Variants in GON4L observed in about 807,000 individuals in gnomAD.
The protein encoded by GON4L is GON-4-like protein.
In GON4L, 87 loss-of-function variants were observed where a neutral mutation model predicts 211.8. The observed-to-expected ratio is 0.41, with a 90% CI of 0.35 to 0.49. GON4L has a LOEUF of 0.49. GON4L is among the 20% of genes least tolerant of loss of function. The pLI, the probability that GON4L is intolerant of heterozygous loss-of-function variation, is 0.15. For synonymous variants in GON4L, 875 were observed against 962.6 expected (o/e 0.91, Z 1.68); for missense variants, 2,155 against 2,659.5 (o/e 0.81, Z 4.17).
intron 6 of GON4L, among the ~76,000 whole-genome samples, chr1:155,816,773 T>TA (rs34370558): frequency 0.03 from 2,376 of 78,112 alleles, 111 homozygotes; most frequent in African/African-American, 0.095. Flanking sequence ...TTTTTTTTCT[T>TA]AAAAAAAAAA....
downstream of GON4L, chr1:155,748,042 C>A (rs572393570): frequency 1.7e-5 from 28 of 1,607,508 alleles, no homozygotes; most frequent in Non-Finnish European, 2.0e-5. Flanking sequence ...TGACTGCTCA[C>A]AGCTCTCGTC....
intron 2 of GON4L, among the ~76,000 whole-genome samples, chr1:155,828,587 A>G (rs1669439907): frequency 3.3e-5 from 5 of 151,758 alleles, no homozygotes; most frequent in African/African-American, 1.2e-4. Flanking sequence ...TGGGTGGATC[A>G]CTTGAGGTCA....
rs751771916 is a variant in GON4L at position 155,766,592 on chromosome 1, A to G, written c.2881T>C (p.Leu961=). 2.5e-6 allele frequency: 4 copies of G among 1,613,988 alleles called. No homozygotes were observed. Among genetic ancestry groups the G allele is most frequent in the Non-Finnish European group, 3.4e-6 (4 of 1,180,014 alleles). The change falls in exon 21 of 32, where the codon TTG becomes CTG. Residue 961 remains leucine, a synonymous_variant. Coordinates refer to ENST00000368331, the MANE Select transcript of GON4L (RefSeq NM_001282860.2). The part of the protein sequence containing the change: ...NSDRSLEKDN[L]ELGSESRYPL... ...TACCGAGATTCACTCCCCAACTCCA[A>G]ATTGTCTTTTTCTAGGCTTCGATCT...
At chr1:155,801,131 A>C (rs1295310508) in intron 11 of GON4L, among the ~76,000 whole-genome samples, 1 of 151,562 alleles carries the variant, frequency 6.6e-6, no homozygotes, top group Admixed American at 6.6e-5. Context: ...AAAAAAAAAA[A>C]AAAAGAACTC....
chr1:155,828,082 C>T (rs751920016), intron 2 of GON4L, among the ~76,000 whole-genome samples: 91 of 152,000 alleles, frequency 6.0e-4, no homozygotes, highest in Non-Finnish European at 1.1e-3. Flanking sequence ...CACTTGGACC[C>T]TGGAGTTCAA....
chr1:155,844,474 T>A (rs902207686), intron 2 of GON4L, among the ~76,000 whole-genome samples: 3 of 152,120 alleles, frequency 2.0e-5, no homozygotes, highest in Admixed American at 6.5e-5. Context: ...AACACCCTCC[T>A]GGCCAGGCAG....
At chr1:155,797,114 T>C (rs2102006925) in intron 11 of GON4L, among the ~76,000 whole-genome samples, 1 of 152,222 alleles carries the variant, frequency 6.6e-6, no homozygotes, top group South Asian at 2.1e-4. Flanking sequence ...CACAATATTT[T>C]TTTTTTCTTT....
In GON4L at chr1:155,853,805, T is replaced by C. The variant is rs760953017; in HGVS notation, c.-25A>G. Reference sequence around the variant, plus strand: ...TTTTAAAAGTCCCACTTTTGTTCCATTCTGAAAGAATAAAAAGTTCTTACT... The same window carrying C: ...TTTTAAAAGTCCCACTTTTGTTCCACTCTGAAAGAATAAAAAGTTCTTACT... On this transcript the variant is annotated splice_region_variant and 5_prime_UTR_variant, in exon 2 of 32. The change abolishes an upstream ATG in the 5' untranslated region. Transcript: ENST00000368331. The C allele has an allele frequency of 1.0e-5, 16 of 1,603,612 alleles. No individual in the cohort carries two copies. Among genetic ancestry groups the C allele is most frequent in the Admixed American group, 5.0e-5 (3 of 59,870 alleles).
chr1:155,773,417 T>G lies in GON4L; in HGVS notation c.2351-207A>C, dbSNP rs547564307. On this transcript the variant is annotated intron_variant, in intron 17 of 31. Coordinates refer to ENST00000368331, the MANE Select transcript of GON4L (RefSeq NM_001282860.2). ...GAGTCCCATTCAATGGCAATAAAAGTTGACTCATTCTTTCTTATGTGGAAC... is the reference window on the plus strand; with the variant it reads ...GAGTCCCATTCAATGGCAATAAAAGGTGACTCATTCTTTCTTATGTGGAAC... 683 of 590,420 alleles carry G rather than the reference T, an allele frequency of 1.2e-3. 2 individuals carry two copies. In the African/African-American group the frequency reaches 0.012, roughly 10 times the overall value. 36.6% of individuals were successfully genotyped at this position (590,420 alleles called of 1,614,324 possible). A position where few individuals can be genotyped will look rare whatever the true frequency, so the allele number is the denominator to read the frequency against.
chr1:155,848,799 T>C (rs1374403526), intron 2 of GON4L, among the ~76,000 whole-genome samples: 1 of 152,158 alleles, frequency 6.6e-6, no homozygotes, highest in Non-Finnish European at 1.5e-5. Context: ...ATCTGAGAGA[T>C]AAAAGTTAAA....
intron 11 of GON4L, among the ~76,000 whole-genome samples, chr1:155,797,551 A>G (rs1045347501): frequency 2.0e-5 from 3 of 151,350 alleles, no homozygotes; most frequent in Non-Finnish European, 4.4e-5. Context: ...AAACAGACAT[A>G]TACAGCCTGG....
intron 23 of GON4L, among the ~76,000 whole-genome samples, chr1:155,761,424 T>C (rs367962259): frequency 6.6e-6 from 1 of 151,566 alleles, no homozygotes; most frequent in East Asian, 1.9e-4. Context: ...ACTCCTGGAC[T>C]CAAGGATCCT....
At chr1:155,835,012 A>G (rs898230174) in intron 2 of GON4L, among the ~76,000 whole-genome samples, 2 of 152,110 alleles carry the variant, frequency 1.3e-5, no homozygotes, top group Admixed American at 1.3e-4. Flanking sequence ...CCATGATGAC[A>G]ATGGCGGTTT....
rs1235371792 is a variant in GON4L at position 155,853,800 on chromosome 1, T to C, written c.-20A>G. 1 of 1,607,132 alleles carries C rather than the reference T, an allele frequency of 6.2e-7. No individual in the cohort carries two copies. The highest frequency in any genetic ancestry group is 8.5e-7 in the Non-Finnish European group (1 of 1,174,070). On this transcript the variant is annotated 5_prime_UTR_variant, in exon 2 of 32. Coordinates refer to ENST00000368331, the MANE Select transcript of GON4L (RefSeq NM_001282860.2). ...CAACATTTTAAAAGTCCCACTTTTGTTCCATTCTGAAAGAATAAAAAGTTC... is the reference window on the plus strand; with the variant it reads ...CAACATTTTAAAAGTCCCACTTTTGCTCCATTCTGAAAGAATAAAAAGTTC...
At chr1:155,815,099 ACT>A (rs1464732462) in intron 8 of GON4L, among the ~76,000 whole-genome samples, 1 of 152,002 alleles carries the variant, frequency 6.6e-6, no homozygotes, top group African/African-American at 2.4e-5. Flanking sequence ...AACAGAGGAG[ACT>A]CAAAAAAAAA....
intron 11 of GON4L, among the ~76,000 whole-genome samples, chr1:155,799,651 TATCTTTAATAAAC>T (rs1666439632): frequency 1.3e-5 from 2 of 152,194 alleles, no homozygotes; most frequent in South Asian, 4.1e-4. Context: ...CTGAAATCTG[TATCTTTAATAAAC>T]ATCACCCTAC....
chr1:155,822,375 G>C lies in GON4L; in HGVS notation c.799C>G (p.Leu267Val). The C allele has an allele frequency of 6.2e-7, 1 of 1,613,870 alleles. No individual in the cohort carries two copies. The highest frequency in any genetic ancestry group is 2.2e-5 in the East Asian group (1 of 44,884). The change falls in exon 4 of 32, where the codon CTG becomes GTG. Residue 267 changes from leucine to valine, a missense_variant. This residue lies in a region of GON4L where 551 missense variants were observed against 854.0 expected (regional missense o/e 0.65). Coordinates refer to ENST00000368331, the MANE Select transcript of GON4L (RefSeq NM_001282860.2). The part of the protein sequence containing the change: ...RGQEGTLAYD[L>V]KLDDMLDRTL... ...CGGTCAAGCATGTCATCCAGTTTCA[G>C]GTCATATGCCAAGGTCCCTTCTTGA...
Position 155,752,309 on chromosome 1 carries a change from G to C in GON4L, c.6124C>G (p.Pro2042Ala). The C allele has an allele frequency of 6.3e-7, 1 of 1,589,140 alleles. No homozygotes were observed. Residue 2042 changes from proline (P) to alanine (A), a missense_variant, in exon 30 of 32, where the codon CCT (proline) becomes GCT (alanine). Coordinates refer to ENST00000368331, the MANE Select transcript of GON4L (RefSeq NM_001282860.2). ...VWDASETEKL[P>A]GTVEPPASFL... is the part of the protein sequence containing the mutation. ...GAAGCAGGGGGTTCCACGGTACCAG[G>C]CAATTTCTCAGTTTCTGATGCATCC...
chr1:155,763,686 A>C, intron 21 of GON4L, 122 bp from the exon 22 acceptor site: 1 of 853,282 alleles, frequency 1.2e-6, no homozygotes. Flanking sequence ...AGCTGTCCTG[A>C]GGGGAATTCC....
Sources: allele counts gnomAD v4.1 joint callset (sites outside exome capture counted in the v4.1 genomes callset), GRCh38; gene constraint gnomAD v4.1.1; regional missense constraint gnomAD v4.1.1; transcripts MANE v1.5; gene names NCBI Gene and HGNC (gene_info 2026-07-23, HGNC 2026-07-21).